The following LRRK2 variants were observed in gnomAD, a reference collection of about 807,000 sequenced individuals.
LRRK2 encodes the protein leucine rich repeat kinase 2.
In LRRK2, 203 loss-of-function variants were observed where a neutral mutation model predicts 302.6. That is an observed-to-expected ratio of 0.67 (90% confidence interval 0.60 to 0.75). The LOEUF (loss-of-function observed/expected upper bound fraction) is 0.75, where lower values mean the gene tolerates loss of function less well. Among genes scored for constraint, LRRK2 ranks in the 30% least tolerant of loss-of-function variants. The probability of loss-of-function intolerance (pLI) is 0.00; values close to 1 mark genes in which losing one functional copy is unlikely to be tolerated. For missense variants in LRRK2, 2,830 were observed against 2,951.0 expected, an observed-to-expected ratio of 0.96 and a Z score of 0.95; for synonymous variants, 1,066 against 1,031.9, an observed-to-expected ratio of 1.03 and a Z score of -0.63.
At chr12:40,244,687 G>A (rs1234789672) in intron 7 of LRRK2, among the ~76,000 whole-genome samples, 4 of 140,032 alleles carry the variant, frequency 2.9e-5, no homozygotes, top group South Asian at 4.5e-4. Flanking sequence ...TAGGTTATAC[G>A]TATTGAAAAT....
intron 32 of LRRK2, 56 bp from the exon 33 acceptor site, chr12:40,315,156 C>G: frequency 2.1e-6 from 3 of 1,405,862 alleles, no homozygotes; most frequent in Non-Finnish European, 3.0e-6. Context: ...TTTCTAAAGC[C>G]CCTTGATATT....
intron 21 of LRRK2, 72 bp downstream of exon 21, chr12:40,293,735 G>T (rs887749292): frequency 3.0e-6 from 3 of 1,015,162 alleles, no homozygotes; most frequent in African/African-American, 1.6e-5. Flanking sequence ...TAAAATTTAT[G>T]CCAAAGCTAG....
chr12:40,286,029 T>C (rs968289775), intron 19 of LRRK2, among the ~76,000 whole-genome samples: 3 of 152,012 alleles, frequency 2.0e-5, no homozygotes, highest in East Asian at 3.9e-4. Flanking sequence ...TAATCTTCAA[T>C]ATCCGATGGA....
intron 36 of LRRK2, 42 bp downstream of exon 36, chr12:40,322,223 G>T: frequency 1.3e-6 from 2 of 1,571,408 alleles, no homozygotes; most frequent in Non-Finnish European, 1.7e-6. Flanking sequence ...CAACACTAAA[G>T]AAATTTAAAC....
chr12:40,268,361 T>C (rs571585230), intron 14 of LRRK2, among the ~76,000 whole-genome samples: 1 of 152,148 alleles, frequency 6.6e-6, no homozygotes, highest in East Asian at 1.9e-4. Flanking sequence ...ATACCAAGCT[T>C]AAATATTGAA....
At chr12:40,366,694 C>T (rs901407278) in intron 49 of LRRK2, 4 of 309,496 alleles carry the variant, frequency 1.3e-5, no homozygotes, top group African/African-American at 6.6e-5. Context: ...TTTTCACACA[C>T]ATTACCTCGT....
At position 40,294,871 on chromosome 12, in the gene LRRK2, A is replaced by C; in HGVS notation, c.2835A>C (p.Leu945Phe). ...SLGPIFDHED[L>F]LKRKRKILSS... ...GGCCCATTTTTGATCATGAAGATTT[A>C]CTGAAGCGAAAAAGAAAAATATTAT... Residue 945 changes from leucine to phenylalanine, a missense_variant, in exon 22 of 51, where the codon TTA (leucine) becomes TTC (phenylalanine). Physicochemically the swap from Leu to Phe is conservative, Grantham distance 22. Transcript: ENST00000298910. 6.5e-7 allele frequency: 1 copy of C among 1,549,400 alleles called. No individual in the cohort carries two copies.
chr12:40,322,617 A>G, intron 37 of LRRK2, 107 bp downstream of exon 37: 1 of 971,804 alleles, frequency 1.0e-6, no homozygotes, highest in Non-Finnish European at 1.6e-6. Context: ...GAGTTGAAAA[A>G]TAGTATATTC....
rs1565687881 is a variant in LRRK2, at chr12:40,259,509, T to G, written c.1448T>G (p.Val483Gly). The change falls in exon 13 of 51, where the codon GTG becomes GGG. Residue 483 changes from valine (V) to glycine (G), a missense_variant. Physicochemically the swap from Val to Gly is moderately radical, Grantham distance 109. Around this residue, in one of 3 missense-constraint regions of LRRK2, gnomAD observed 2,121 missense variants for 2,148.0 expected, o/e 0.99. Coordinates refer to ENST00000298910, the MANE Select transcript of LRRK2 (RefSeq NM_198578.4). The stretch of plus-strand genomic sequence containing the variant: ...ACTTCCCTGGATATAATGGCAGCAG[T>G]GGTCCCCAAAATACTAACAGTTATG... Reference protein sequence around the residue: ...SNTSLDIMAAVVPKILTVMKR... With the variant: ...SNTSLDIMAAGVPKILTVMKR... 1 of 1,613,298 alleles carries G rather than the reference T, an allele frequency of 6.2e-7. No individual in the cohort carries two copies. Among genetic ancestry groups the G allele is most frequent in the Non-Finnish European group, 8.5e-7 (1 of 1,179,468 alleles).
intron 40 of LRRK2, among the ~76,000 whole-genome samples, chr12:40,338,480 T>C (rs773255301): frequency 1.3e-5 from 2 of 152,232 alleles, no homozygotes; most frequent in Admixed American, 6.5e-5. Context: ...TATAAACCAG[T>C]TTGTTTTAAT....
chr12:40,317,200 A>T (rs1565745694), intron 33 of LRRK2, among the ~76,000 whole-genome samples: 1 of 152,068 alleles, frequency 6.6e-6, no homozygotes, highest in Non-Finnish European at 1.5e-5. Context: ...AATTAAGTTA[A>T]TTTGAGCCAC....
chr12:40,324,625 A>T (rs940783242), intron 38 of LRRK2, among the ~76,000 whole-genome samples: 2 of 152,224 alleles, frequency 1.3e-5, no homozygotes, highest in Non-Finnish European at 2.9e-5. Context: ...GTCAGGACAT[A>T]ATATTATTAG....
chr12:40,257,913 G>A (rs1942595182), intron 12 of LRRK2, among the ~76,000 whole-genome samples: 1 of 151,200 alleles, frequency 6.6e-6, no homozygotes, highest in Non-Finnish European at 1.5e-5. Context: ...TGTGTGGATG[G>A]TGGTGGGGCA....
At chr12:40,325,728 A>G (rs1249160987) in intron 38 of LRRK2, among the ~76,000 whole-genome samples, 1 of 152,166 alleles carries the variant, frequency 6.6e-6, no homozygotes, top group East Asian at 1.9e-4. Context: ...GCCTCTCTCA[A>G]TTTTCCCTCT....
At chr12:40,348,995 G>T (rs556641218) in intron 43 of LRRK2, among the ~76,000 whole-genome samples, 2 of 151,824 alleles carry the variant, frequency 1.3e-5, no homozygotes. Flanking sequence ...TCCTGTTGTA[G>T]AGCCCATCTT....
At chr12:40,288,782 A>G (rs17519902) in intron 20 of LRRK2, among the ~76,000 whole-genome samples, 1 of 152,062 alleles carries the variant, frequency 6.6e-6, no homozygotes, top group African/African-American at 2.4e-5. Context: ...GTCTTATTAT[A>G]TAAGAGTTCT....
At chr12:40,285,720 C>T (rs1374055189) in intron 19 of LRRK2, among the ~76,000 whole-genome samples, 1 of 151,356 alleles carries the variant, frequency 6.6e-6, no homozygotes, top group Non-Finnish European at 1.5e-5. Flanking sequence ...AATAATGGTA[C>T]ATACATGTTG....
At chr12:40,273,665 A>T (rs150606290) in intron 14 of LRRK2, among the ~76,000 whole-genome samples, 1 of 152,280 alleles carries the variant, frequency 6.6e-6, no homozygotes, top group East Asian at 1.9e-4. Context: ...CCATGAAACT[A>T]GTGTCTGCAA....
intron 41 of LRRK2, among the ~76,000 whole-genome samples, chr12:40,342,035 A>G (rs1946060322): frequency 6.6e-6 from 1 of 152,252 alleles, no homozygotes; most frequent in South Asian, 2.1e-4. Context: ...ATGGGACATG[A>G]AGGTGGACTG....
Sources: gnomAD v4.1 joint callset for allele counts (sites outside exome capture counted in the v4.1 genomes callset) on GRCh38, gnomAD v4.1.1 for gene constraint, gnomAD v4.1.1 regional missense constraint, MANE v1.5 for transcripts, NCBI Gene and HGNC (gene_info 2026-07-23, HGNC 2026-07-21) for gene names.